Variants in SLC35D4 observed in about 807,000 individuals in gnomAD.
SLC35D4 encodes the protein UDP-N-acetylglucosamine transporter SLC35D4.
chr18:23,272,436 C>A, the SLC35D4 span, among the ~76,000 whole-genome samples: 1 of 152,056 alleles, frequency 6.6e-6, no homozygotes, highest in African/African-American at 2.4e-5. Context: ...CAGAGCCAGA[C>A]CCCATCTCTT....
the SLC35D4 span, among the ~76,000 whole-genome samples, chr18:23,239,961 TAAA>T: frequency 2.4e-3 from 369 of 152,034 alleles, 1 homozygote; most frequent in South Asian, 0.01. Flanking sequence ...CTACTAAAAA[TAAA>T]AAAATTAGCC....
At chr18:23,419,559 T>C in the SLC35D4 span, among the ~76,000 whole-genome samples, 2 of 152,148 alleles carry the variant, frequency 1.3e-5, no homozygotes, top group African/African-American at 4.8e-5. Flanking sequence ...CCCAAAGTGC[T>C]GGGATAACAG....
chr18:23,268,716 G>A, the SLC35D4 span, among the ~76,000 whole-genome samples: 1 of 152,104 alleles, frequency 6.6e-6, no homozygotes. Context: ...CGTGTTGCAG[G>A]TCCACAAATC....
At chr18:23,311,970 T>C in the SLC35D4 span, among the ~76,000 whole-genome samples, 1 of 152,268 alleles carries the variant, frequency 6.6e-6, no homozygotes, top group Non-Finnish European at 1.5e-5. Flanking sequence ...TCCATCCCAC[T>C]GATGGATGTT....
At chr18:23,244,336 T>G in the SLC35D4 span, among the ~76,000 whole-genome samples, 1 of 152,230 alleles carries the variant, frequency 6.6e-6, no homozygotes, top group Non-Finnish European at 1.5e-5. Context: ...TTTCTTCCTG[T>G]GTTCCTCTCC....
the SLC35D4 span, chr18:23,421,543 T>G: frequency 9.9e-7 from 1 of 1,014,640 alleles, no homozygotes; most frequent in East Asian, 2.5e-5. Context: ...AGAGACAAGT[T>G]CAACTCTATT....
chr18:23,286,963 C>G, the SLC35D4 span, among the ~76,000 whole-genome samples: 1 of 151,386 alleles, frequency 6.6e-6, no homozygotes, highest in African/African-American at 2.4e-5. Flanking sequence ...TAAGATACCT[C>G]TACTCCCTCC....
chr18:23,278,512 G>A, the SLC35D4 span, among the ~76,000 whole-genome samples: 3 of 152,104 alleles, frequency 2.0e-5, no homozygotes, highest in African/African-American at 7.2e-5. Context: ...ATTTCCTGGG[G>A]GTTATAATCC....
chr18:23,344,600 C>CTTTTT, the SLC35D4 span, among the ~76,000 whole-genome samples: 4 of 126,074 alleles, frequency 3.2e-5, no homozygotes, highest in Non-Finnish European at 3.3e-5. Flanking sequence ...TTTTTTTCTT[C>CTTTTT]TTTTTTTTTT....
At chr18:23,364,106 C>G in the SLC35D4 span, among the ~76,000 whole-genome samples, 1 of 152,292 alleles carries the variant, frequency 6.6e-6, no homozygotes, top group African/African-American at 2.4e-5. Context: ...ACTCAGATGG[C>G]AGGTAAAATA....
chr18:23,287,588 ATGGT>A, the SLC35D4 span, among the ~76,000 whole-genome samples: 1 of 152,192 alleles, frequency 6.6e-6, no homozygotes, highest in African/African-American at 2.4e-5. Context: ...CTTCCTGGGC[ATGGT>A]TGGATACTTT....
chr18:23,298,035 A>G, the SLC35D4 span: 1 of 1,613,854 alleles, frequency 6.2e-7, no homozygotes, highest in Non-Finnish European at 8.5e-7. Flanking sequence ...TGAGAAAACC[A>G]GCAAGGCCTC....
At chr18:23,335,190 G>C in the SLC35D4 span, among the ~76,000 whole-genome samples, 30 of 152,298 alleles carry the variant, frequency 2.0e-4, no homozygotes, top group South Asian at 5.8e-3. Flanking sequence ...AGGCCACCAA[G>C]ATGTCTCTAA....
chr18:23,423,185 A>T, the SLC35D4 span, among the ~76,000 whole-genome samples: 1 of 152,150 alleles, frequency 6.6e-6, no homozygotes, highest in Admixed American at 6.5e-5. Context: ...TACTTCTAGG[A>T]GTCTGGTTGT....
At chr18:23,264,151 T>A in the SLC35D4 span, among the ~76,000 whole-genome samples, 92 of 152,316 alleles carry the variant, frequency 6.0e-4, no homozygotes, top group South Asian at 0.018. Flanking sequence ...AGTTCTTGCA[T>A]TGCTATAAAG....
the SLC35D4 span, among the ~76,000 whole-genome samples, chr18:23,305,780 T>G: frequency 2.0e-5 from 3 of 152,204 alleles, no homozygotes; most frequent in African/African-American, 7.2e-5. Context: ...ACCATTCATT[T>G]CTGTCCATCT....
the SLC35D4 span, among the ~76,000 whole-genome samples, chr18:23,403,811 AATGCACTGTT>A: frequency 6.6e-6 from 1 of 152,206 alleles, no homozygotes; most frequent in Non-Finnish European, 1.5e-5. Context: ...AGTGAGCAAG[AATGCACTGTT>A]AAGCATGTCT....
chr18:23,412,622 G>A, the SLC35D4 span, among the ~76,000 whole-genome samples: 1 of 151,998 alleles, frequency 6.6e-6, no homozygotes, highest in East Asian at 1.9e-4. Flanking sequence ...TTCCCTTGAC[G>A]AAGTCCAGCC....
chr18:23,380,991 T>G, the SLC35D4 span, among the ~76,000 whole-genome samples: 15 of 152,320 alleles, frequency 9.8e-5, no homozygotes, highest in East Asian at 2.5e-3. Context: ...CATGGTAACA[T>G]TTAACAGTCT....
Sources: gnomAD v4.1 joint callset for allele counts (sites outside exome capture counted in the v4.1 genomes callset) on GRCh38, gnomAD v4.1.1 for gene constraint, MANE v1.5 for transcripts, NCBI Gene and HGNC (gene_info 2026-07-23, HGNC 2026-07-21) for gene names.